Variants in ARHGEF7 observed in about 807,000 individuals in gnomAD.
ARHGEF7 encodes Rho guanine nucleotide exchange factor 7.
Under a neutral mutation model 109.8 loss-of-function variants are expected in ARHGEF7, and 33 were observed. That is an observed-to-expected ratio of 0.30 (90% CI 0.23 to 0.40). ARHGEF7 has a LOEUF of 0.40. ARHGEF7 is among the 10% of genes least tolerant of loss of function. The pLI, the probability that ARHGEF7 is intolerant of heterozygous loss-of-function variation, is 1.00. For synonymous variants in ARHGEF7, 458 were observed against 424.6 expected (o/e 1.08, Z -0.97); for missense variants, 938 against 1,098.5 (o/e 0.85, Z 2.07).
At chr13:111,281,458 C>G (rs957026756) in intron 15 of ARHGEF7, among the ~76,000 whole-genome samples, 17 of 152,094 alleles carry the variant, frequency 1.1e-4, no homozygotes, top group Non-Finnish European at 2.5e-4. Context: ...ATGTTTTCTT[C>G]TTCATGTGAA....
chr13:111,158,977 C>T (rs1276177211), intron 2 of ARHGEF7: 19 of 716,902 alleles, frequency 2.7e-5, no homozygotes, highest in East Asian at 1.1e-4. Context: ...TCCTCCCGTC[C>T]GACTGAAATT....
intron 5 of ARHGEF7, 88 bp from the exon 6 acceptor site, chr13:111,233,117 G>A: frequency 9.1e-7 from 1 of 1,095,632 alleles, no homozygotes; most frequent in Non-Finnish European, 1.4e-6. Flanking sequence ...TGAGGCTGCT[G>A]GATGAGTATC....
At chr13:111,197,673 G>A (rs1043823859) in intron 2 of ARHGEF7, among the ~76,000 whole-genome samples, 2 of 152,170 alleles carry the variant, frequency 1.3e-5, no homozygotes, top group Admixed American at 6.5e-5. Context: ...CCATATCCTA[G>A]CTTCAGGAAT....
At chr13:111,271,711 A>G (rs942726790) in intron 9 of ARHGEF7, among the ~76,000 whole-genome samples, 5 of 152,204 alleles carry the variant, frequency 3.3e-5, no homozygotes, top group African/African-American at 9.7e-5. Flanking sequence ...CTGTGCTACT[A>G]ATTTTTAAAA....
intron 1 of ARHGEF7, among the ~76,000 whole-genome samples, chr13:111,120,209 C>A (rs1053930150): frequency 6.6e-6 from 1 of 152,220 alleles, no homozygotes. Context: ...AAGAAGGTAG[C>A]TGGAACTGCA....
At chr13:111,301,061 G>T (rs1049322358) in intron 20 of ARHGEF7, among the ~76,000 whole-genome samples, 1 of 152,054 alleles carries the variant, frequency 6.6e-6, no homozygotes, top group African/African-American at 2.4e-5. Context: ...CGGTTCTCCT[G>T]CCTCAGCCTC....
intron 2 of ARHGEF7, among the ~76,000 whole-genome samples, chr13:111,155,360 CAT>C (rs1453720111): frequency 1.3e-5 from 2 of 152,154 alleles, no homozygotes; most frequent in African/African-American, 4.8e-5. Flanking sequence ...TTGAATTAGA[CAT>C]GTAGGAATTC....
In ARHGEF7 at chr13:111,298,100, G is replaced by T. The variant is rs143828758; in HGVS notation, c.2312-2648G>T. On this transcript the variant is annotated intron_variant, in intron 19 of 21. Transcript: ENST00000646102. ...AAATTAGTTGACTAAAATGTGCGAT[G>T]TTATCAGTGGACTTCTCTTTGCAGG... 1.5e-3 allele frequency among the ~76,000 whole-genome samples: 228 copies of T among 152,364 alleles called. 1 individual carries two copies. The highest frequency in any genetic ancestry group is 5.2e-3 in the African/African-American group (217 of 41,582).
At chr13:111,284,063 G>A (rs1475815147) in intron 16 of ARHGEF7, among the ~76,000 whole-genome samples, 1 of 152,200 alleles carries the variant, frequency 6.6e-6, no homozygotes, top group East Asian at 1.9e-4. Flanking sequence ...TGAGGAAGCT[G>A]ATAATTGAGA....
intron 2 of ARHGEF7, among the ~76,000 whole-genome samples, chr13:111,180,129 G>C (rs2078595228): frequency 6.6e-6 from 1 of 152,206 alleles, no homozygotes; most frequent in Admixed American, 6.5e-5. Flanking sequence ...AGGGCCTCAG[G>C]CTCCTGTTGG....
intron 19 of ARHGEF7, among the ~76,000 whole-genome samples, chr13:111,298,825 G>C (rs549486527): frequency 6.6e-6 from 1 of 152,204 alleles, no homozygotes; most frequent in Non-Finnish European, 1.5e-5. Flanking sequence ...AACAGCATGA[G>C]GGGGAGGGAG....
At chr13:111,233,125 A>G in intron 5 of ARHGEF7, 80 bp from the exon 6 acceptor site, 1 of 1,174,230 alleles carries the variant, frequency 8.5e-7, no homozygotes, top group Non-Finnish European at 1.3e-6. Flanking sequence ...CTGGATGAGT[A>G]TCCTTGGCCT....
At position 111,228,400 on chromosome 13, in the gene ARHGEF7, A is replaced by T. The variant is rs1051778243; in HGVS notation, c.671-4805A>T. Among the ~76,000 whole-genome samples, 1 of 152,152 alleles carries T rather than the reference A, an allele frequency of 6.6e-6. No individual in the cohort carries two copies. The highest frequency in any genetic ancestry group is 2.4e-5 in the African/African-American group (1 of 41,430). On this transcript the variant is annotated intron_variant, in intron 5 of 21. Coordinates refer to ENST00000646102, the MANE Select transcript of ARHGEF7 (RefSeq NM_001354046.2). The surrounding 1 kb of genome is among the most constrained non-coding windows in gnomAD (Gnocchi z 4.6). ...GAAAAGCTCCCTTTGCTAACACTGA[A>T]GTGTTGGTGAGTGGAGATGACCTCA...
In ARHGEF7 at chr13:111,258,760, AT is replaced by A. The variant is rs1420068153; in HGVS notation, c.951-8787del. Among the ~76,000 whole-genome samples the A allele has an allele frequency of 6.6e-6, 1 of 152,190 alleles. No individual in the cohort carries two copies. Among genetic ancestry groups the A allele is most frequent in the Non-Finnish European group, 1.5e-5 (1 of 68,036 alleles). On this transcript the variant is annotated intron_variant, in intron 8 of 21. Coordinates refer to ENST00000646102, the MANE Select transcript of ARHGEF7 (RefSeq NM_001354046.2). This position sits in a 1 kb window ranked among gnomAD's most constrained non-coding sequence, Gnocchi z 4.4. ...CTGCCCAGCCACAGTGAGGTGGAAC[AT>A]CAAGTGGGCTCTTGGGAGTCCCCAG...
At chr13:111,150,501 T>C (rs1429751940) in intron 1 of ARHGEF7, among the ~76,000 whole-genome samples, 1 of 152,254 alleles carries the variant, frequency 6.6e-6, no homozygotes, top group Non-Finnish European at 1.5e-5. Flanking sequence ...GCAATATGCA[T>C]TGTTTTTTTA....
intron 6 of ARHGEF7, among the ~76,000 whole-genome samples, chr13:111,233,781 G>A (rs983847603): frequency 1.3e-5 from 2 of 152,112 alleles, no homozygotes; most frequent in Non-Finnish European, 2.9e-5. Flanking sequence ...AACGCTATAC[G>A]TGTTAAAGAC....
At chr13:111,178,549 G>A (rs186391261) in intron 2 of ARHGEF7, among the ~76,000 whole-genome samples, 2 of 152,340 alleles carry the variant, frequency 1.3e-5, no homozygotes, top group Admixed American at 6.5e-5. Context: ...TTGGGATTCT[G>A]AGTATGCGAG....
chr13:111,246,768 G>A (rs888109445), intron 8 of ARHGEF7, among the ~76,000 whole-genome samples: 5 of 152,196 alleles, frequency 3.3e-5, no homozygotes, highest in African/African-American at 1.2e-4. Flanking sequence ...TTCATATTGT[G>A]CTCAAGATGG....
At chr13:111,123,487 A>G (rs1202067898) in intron 1 of ARHGEF7, among the ~76,000 whole-genome samples, 2 of 148,542 alleles carry the variant, frequency 1.3e-5, no homozygotes, top group African/African-American at 5.3e-5. Context: ...CAAATCACAC[A>G]CACACACATA....
Sources: allele counts gnomAD v4.1 joint callset (sites outside exome capture counted in the v4.1 genomes callset), GRCh38; gene constraint gnomAD v4.1.1; non-coding constraint Gnocchi (gnomAD v3.1); transcripts MANE v1.5; gene names NCBI Gene and HGNC (gene_info 2026-07-23, HGNC 2026-07-21).